The following PDE1A variants were observed in gnomAD, a reference collection of about 807,000 sequenced individuals.
PDE1A encodes dual specificity calcium/calmodulin-dependent 3',5'-cyclic nucleotide phosphodiesterase 1A.
Under a neutral mutation model 61.7 loss-of-function variants are expected in PDE1A, and 35 were observed. That is an observed-to-expected ratio of 0.57 (90% CI 0.43 to 0.75). The LOEUF (loss-of-function observed/expected upper bound fraction) is 0.75, where lower values mean the gene tolerates loss of function less well. PDE1A is among the 30% of genes least tolerant of loss of function. PDE1A has a pLI of 0.00. For synonymous variants in PDE1A, 232 were observed against 213.2 expected, an observed-to-expected ratio of 1.09 and a Z score of -0.77; for missense variants, 597 against 630.6, an observed-to-expected ratio of 0.95 and a Z score of 0.57.
At chr2:182,544,813 T>G in the PDE1A span, among the ~76,000 whole-genome samples, 1 of 152,208 alleles carries the variant, frequency 6.6e-6, no homozygotes, top group African/African-American at 2.4e-5. Context: ...TTCCCCTTTT[T>G]TCCTGTCTCA....
At chr2:182,316,814 G>A (rs1411430951) in intron 1 of PDE1A, among the ~76,000 whole-genome samples, 2 of 152,060 alleles carry the variant, frequency 1.3e-5, no homozygotes, top group South Asian at 4.1e-4. Flanking sequence ...GAAAATTGAA[G>A]GTAAAAACAT....
chr2:182,686,919 G>T, the PDE1A span, among the ~76,000 whole-genome samples: 1 of 152,234 alleles, frequency 6.6e-6, no homozygotes, highest in Admixed American at 6.5e-5. Flanking sequence ...TGCCCATGGA[G>T]CCTCGCTCAG....
chr2:182,599,617 T>C, the PDE1A span, among the ~76,000 whole-genome samples: 2 of 148,768 alleles, frequency 1.3e-5, no homozygotes, highest in African/African-American at 2.5e-5. Context: ...AGCTTTATAT[T>C]CTTTAAACTG....
intron 1 of PDE1A, among the ~76,000 whole-genome samples, chr2:182,417,029 T>A (rs1702959849): frequency 6.6e-6 from 1 of 152,144 alleles, no homozygotes; most frequent in Non-Finnish European, 1.5e-5. Flanking sequence ...TGGGTGACAA[T>A]ACACAGTCAC....
chr2:182,416,943 C>T (rs543433565), intron 1 of PDE1A, among the ~76,000 whole-genome samples: 5 of 152,132 alleles, frequency 3.3e-5, no homozygotes, highest in Admixed American at 6.5e-5. Flanking sequence ...TGGTGACCTA[C>T]GACCAAACAG....
intron 1 of PDE1A, among the ~76,000 whole-genome samples, chr2:182,407,208 C>T (rs983408459): frequency 6.6e-6 from 1 of 152,118 alleles, no homozygotes; most frequent in Non-Finnish European, 1.5e-5. Flanking sequence ...TTGATTCTAA[C>T]AGCTTTCAAA....
chr2:182,345,634 A>G (rs1698474616), intron 1 of PDE1A, among the ~76,000 whole-genome samples: 1 of 152,080 alleles, frequency 6.6e-6, no homozygotes, highest in Non-Finnish European at 1.5e-5. Flanking sequence ...CCTGCTATTC[A>G]TTGAACATAC....
intron 1 of PDE1A, among the ~76,000 whole-genome samples, chr2:182,306,500 A>AC (rs1491541341): frequency 2.0e-5 from 3 of 151,006 alleles, no homozygotes; most frequent in African/African-American, 7.4e-5. Context: ...ACACACACAC[A>AC]AAAGCAAGGC....
At chr2:182,654,374 A>T in the PDE1A span, among the ~76,000 whole-genome samples, 1,233 of 151,756 alleles carry the variant, frequency 8.1e-3, 19 homozygotes, top group African/African-American at 0.028. Context: ...AGTAGCACTA[A>T]CCTCTGCAAT....
intron 1 of PDE1A, among the ~76,000 whole-genome samples, chr2:182,303,913 T>G (rs2438291): frequency 0.66 from 100,238 of 151,536 alleles, 33,575 homozygotes; most frequent in East Asian, 0.82. Context: ...TTGTTTGTTT[T>G]TTTGTTGAGA....
At chr2:182,448,290 CA>C (rs1157929048) in intron 2 of PDE1A, among the ~76,000 whole-genome samples, 1 of 151,808 alleles carries the variant, frequency 6.6e-6, no homozygotes, top group Non-Finnish European at 1.5e-5. Context: ...TGTTTCTAAT[CA>C]ATAAACAAAA....
the PDE1A span, among the ~76,000 whole-genome samples, chr2:182,553,816 A>T: frequency 6.6e-6 from 1 of 152,266 alleles, no homozygotes; most frequent in African/African-American, 2.4e-5. Context: ...ACAGAAGTGC[A>T]GAGCAATCTG....
intron 2 of PDE1A, among the ~76,000 whole-genome samples, chr2:182,512,398 T>A (rs1173580251): frequency 6.6e-6 from 1 of 152,088 alleles, no homozygotes; most frequent in Non-Finnish European, 1.5e-5. Flanking sequence ...ACCCAACTTA[T>A]ACCACAGTCA....
At chr2:182,505,800 T>C (rs905304980) in intron 2 of PDE1A, among the ~76,000 whole-genome samples, 1 of 152,158 alleles carries the variant, frequency 6.6e-6, no homozygotes. Flanking sequence ...GAGAGATTAG[T>C]CAAGAGAATG....
chr2:182,288,227 T>C (rs946781399), intron 1 of PDE1A, among the ~76,000 whole-genome samples: 1 of 152,102 alleles, frequency 6.6e-6, no homozygotes, highest in Non-Finnish European at 1.5e-5. Context: ...TGCCAGTCAC[T>C]ATCCATGCTT....
intron 2 of PDE1A, among the ~76,000 whole-genome samples, chr2:182,475,235 G>C (rs538966220): frequency 1.3e-5 from 2 of 151,968 alleles, no homozygotes; most frequent in East Asian, 3.9e-4. Context: ...GTCAAGATGA[G>C]ACCTCAGGAA....
the PDE1A span, among the ~76,000 whole-genome samples, chr2:182,567,315 G>A: frequency 6.6e-6 from 1 of 152,164 alleles, no homozygotes; most frequent in East Asian, 1.9e-4. Flanking sequence ...CCCAGCTGGT[G>A]ACCTACTGCT....
the PDE1A span, among the ~76,000 whole-genome samples, chr2:182,661,962 A>T: frequency 3.9e-5 from 6 of 152,070 alleles, no homozygotes; most frequent in African/African-American, 1.4e-4. Context: ...CTAAAAATCC[A>T]AAGAAAATTT....
At chr2:182,696,604 T>C in the PDE1A span, among the ~76,000 whole-genome samples, 1 of 152,196 alleles carries the variant, frequency 6.6e-6, no homozygotes, top group Non-Finnish European at 1.5e-5. Context: ...ACCAACAGTG[T>C]ACCCTAATGG....
Sources: allele counts gnomAD v4.1 joint callset (sites outside exome capture counted in the v4.1 genomes callset), GRCh38; gene constraint gnomAD v4.1.1; transcripts MANE v1.5; gene names NCBI Gene and HGNC (gene_info 2026-07-23, HGNC 2026-07-21).